The following UBE2F variants were observed in gnomAD, a reference collection of about 807,000 sequenced individuals.
The protein encoded by UBE2F is ubiquitin conjugating enzyme E2 F (putative).
Under a neutral mutation model 29.6 loss-of-function variants are expected in UBE2F, and 5 were observed. The observed-to-expected ratio is 0.17, with a 90% confidence interval of 0.09 to 0.36. UBE2F has a LOEUF of 0.36. Ranked by LOEUF, UBE2F falls within the 10% of genes least tolerant of loss-of-function variation. The probability of loss-of-function intolerance (pLI) is 1.00; values close to 1 mark genes in which losing one functional copy is unlikely to be tolerated. For synonymous variants in UBE2F, 66 were observed against 81.8 expected, an observed-to-expected ratio of 0.81 and a Z score of 1.04; for missense variants, 141 against 228.5, an observed-to-expected ratio of 0.62 and a Z score of 2.47.
At chr2:238,033,292 G>C (rs749929812) in intron 8 of UBE2F, among the ~76,000 whole-genome samples, 19 of 152,220 alleles carry the variant, frequency 1.2e-4, no homozygotes, top group South Asian at 4.1e-4. Context: ...GCCAAAAGCT[G>C]TTGGTTGGAT....
chr2:237,990,289 C>G, intron 3 of UBE2F: 3 of 389,982 alleles, frequency 7.7e-6, no homozygotes, highest in South Asian at 5.9e-5. Flanking sequence ...TTATACTCTT[C>G]TCTTTTATTA....
In UBE2F at chr2:238,015,684, T is replaced by C. The variant is rs1048595550; in HGVS notation, c.215-882T>C. 1.1e-4 allele frequency among the ~76,000 whole-genome samples: 17 copies of C among 152,230 alleles called. No individual in the cohort carries two copies. In the South Asian group the frequency reaches 1.2e-3, roughly 11 times the overall value. On this transcript the variant is annotated intron_variant, in intron 4 of 9. Transcript: ENST00000272930. ...TTGAGGAAAATGATAAGATTTAATA[T>C]TACTGGTTTGTTCATGATGATAAAT...
chr2:237,967,971 T>C lies in UBE2F; in HGVS notation c.-17+839T>C, dbSNP rs2063095060. Among the ~76,000 whole-genome samples, 1 of 152,050 alleles carries C rather than the reference T, an allele frequency of 6.6e-6. No homozygotes were observed. Among genetic ancestry groups the C allele is most frequent in the Non-Finnish European group, 1.5e-5 (1 of 68,004 alleles). On this transcript the variant is annotated intron_variant, in intron 1 of 9. Coordinates refer to ENST00000272930, the MANE Select transcript of UBE2F (RefSeq NM_080678.3). The surrounding 1 kb of genome is among the most constrained non-coding windows in gnomAD (Gnocchi z 6.3). ...ATGGGTTGGAATAGCCAGAGAAAGC[T>C]TCTTGGAGGAGGAGATGTTGGGATG...
intron 4 of UBE2F, among the ~76,000 whole-genome samples, chr2:238,004,382 G>A (rs1253377583): frequency 6.6e-6 from 1 of 151,622 alleles, no homozygotes; most frequent in Non-Finnish European, 1.5e-5. Flanking sequence ...CTGCTCAACT[G>A]TTGTGCTCAT....
intron 1 of UBE2F, 91 bp from the exon 2 acceptor site, chr2:237,973,001 C>A: frequency 7.2e-7 from 1 of 1,397,984 alleles, no homozygotes; most frequent in Non-Finnish European, 9.5e-7. Flanking sequence ...GGGAAAAAAT[C>A]AAAATACAAA....
intron 8 of UBE2F, among the ~76,000 whole-genome samples, chr2:238,033,178 G>A (rs1258751671): frequency 6.6e-6 from 1 of 152,166 alleles, no homozygotes; most frequent in Non-Finnish European, 1.5e-5. Context: ...GAACCTCAGA[G>A]TTGTTGTCTT....
intron 2 of UBE2F, among the ~76,000 whole-genome samples, chr2:237,984,789 T>A (rs1409721919): frequency 2.6e-5 from 4 of 152,208 alleles, no homozygotes; most frequent in Admixed American, 6.5e-5. Flanking sequence ...TGTTTTGTTT[T>A]GTTTTTTTGA....
rs1029870298 is a variant in UBE2F, at chr2:238,010,181, G to GT, written c.215-6376dup. On this transcript the variant is annotated intron_variant, in intron 4 of 9. Transcript: ENST00000272930. The stretch of plus-strand genomic sequence containing the variant: ...AGATAGATTGAGCTTTATTTATTTG[G>GT]TTTTTTTTTCGATACAGAGTCTTGC... Among the ~76,000 whole-genome samples the GT allele has an allele frequency of 3.1e-4, 46 of 149,666 alleles. No individual in the cohort carries two copies. In the East Asian group the frequency reaches 4.1e-3, roughly 13 times the overall value.
At chr2:238,009,964 T>C (rs1349455526) in intron 4 of UBE2F, among the ~76,000 whole-genome samples, 1 of 152,194 alleles carries the variant, frequency 6.6e-6, no homozygotes, top group African/African-American at 2.4e-5. Context: ...GTTTTTTTGT[T>C]TTTTTGTTTA....
chr2:238,005,401 T>A (rs1012203723), intron 4 of UBE2F, among the ~76,000 whole-genome samples: 2 of 152,106 alleles, frequency 1.3e-5, no homozygotes, highest in Non-Finnish European at 2.9e-5. Context: ...TTCACCATGT[T>A]GCACAAGCTA....
chr2:238,010,360 G>C (rs1297613101), intron 4 of UBE2F, among the ~76,000 whole-genome samples: 6 of 152,092 alleles, frequency 3.9e-5, no homozygotes, highest in Non-Finnish European at 8.8e-5. Context: ...TCTTAGTATA[G>C]ACGGGTTTCA....
In UBE2F at chr2:237,972,718, T is replaced by C. The variant is rs2063202161; in HGVS notation, c.-16-374T>C. On this transcript the variant is annotated intron_variant, in intron 1 of 9. Transcript: ENST00000272930. ...GGCACACACCACCACTCCTGGCTAA[T>C]TTTTTTATATTTTTTGTAGAGACAG... 2.6e-5 allele frequency among the ~76,000 whole-genome samples: 4 copies of C among 151,676 alleles called. 1 individual carries two copies. The highest frequency in any genetic ancestry group is 2.6e-4 in the Admixed American group (4 of 15,200).
chr2:237,991,815 G>C (rs1024298020), intron 3 of UBE2F, among the ~76,000 whole-genome samples: 19 of 150,300 alleles, frequency 1.3e-4, no homozygotes, highest in Non-Finnish European at 2.2e-4. Context: ...GATTACAGGC[G>C]TGAGCCGCTG....
intron 4 of UBE2F, among the ~76,000 whole-genome samples, chr2:238,003,108 C>G (rs1210637189): frequency 6.6e-6 from 1 of 151,962 alleles, no homozygotes; most frequent in South Asian, 2.1e-4. Flanking sequence ...AATTTATACT[C>G]TCATCCCTGT....
At chr2:238,029,088 A>G (rs1022106912) in intron 6 of UBE2F, 6 of 152,222 alleles carry the variant, frequency 3.9e-5, no homozygotes, top group Admixed American at 3.3e-4. Flanking sequence ...CCATGAGAGT[A>G]TATGGTGTGC....
At chr2:238,008,982 T>A (rs2063961126) in intron 4 of UBE2F, among the ~76,000 whole-genome samples, 1 of 152,254 alleles carries the variant, frequency 6.6e-6, no homozygotes, top group Admixed American at 6.5e-5. Flanking sequence ...AGTGCAGATT[T>A]GCTTGTGATG....
intron 2 of UBE2F, among the ~76,000 whole-genome samples, chr2:237,984,260 T>C (rs1298417803): frequency 6.6e-6 from 1 of 152,212 alleles, no homozygotes; most frequent in Non-Finnish European, 1.5e-5. Flanking sequence ...GCTGCCCATC[T>C]CTTAGGTCAC....
chr2:238,033,694 C>CT (rs1321224842), intron 8 of UBE2F, among the ~76,000 whole-genome samples: 3 of 152,216 alleles, frequency 2.0e-5, no homozygotes, highest in Admixed American at 6.5e-5. Context: ...TGGTGAATGT[C>CT]TATCACACAA....
chr2:237,990,403 C>T, intron 3 of UBE2F: 3 of 422,992 alleles, frequency 7.1e-6, no homozygotes, highest in Non-Finnish European at 4.7e-6. Context: ...ACATGTAAAC[C>T]TTTTTTTTTT....
Sources: gnomAD v4.1 joint callset for allele counts (sites outside exome capture counted in the v4.1 genomes callset) on GRCh38, gnomAD v4.1.1 for gene constraint, Gnocchi (gnomAD v3.1) non-coding constraint, MANE v1.5 for transcripts, NCBI Gene and HGNC (gene_info 2026-07-23, HGNC 2026-07-21) for gene names.